ZNF423: variants seen among roughly 807,000 people sequenced by gnomAD.
ZNF423 encodes Ebf-associated zinc finger protein.
A neutral mutation model predicts 95.8 loss-of-function variants in ZNF423; 12 were observed. The ratio of observed to expected loss-of-function variants is 0.13; its 90% CI spans 0.08 to 0.20. ZNF423 has a LOEUF of 0.20. Among genes scored for constraint, ZNF423 ranks in the 10% least tolerant of loss-of-function variants. The pLI is 1.00. For synonymous variants in ZNF423, 749 were observed against 711.9 expected (o/e 1.05, Z -0.83); for missense variants, 1,316 against 1,737.1 (o/e 0.76, Z 4.31).
intron 3 of ZNF423, among the ~76,000 whole-genome samples, chr16:49,653,205 C>T (rs912810399): frequency 7.9e-5 from 12 of 151,718 alleles, no homozygotes; most frequent in African/African-American, 1.5e-4. Flanking sequence ...GACAGAGAAC[C>T]CCTAACTCAG....
At chr16:49,747,433 T>C (rs994047827) in intron 2 of ZNF423, among the ~76,000 whole-genome samples, 1 of 152,194 alleles carries the variant, frequency 6.6e-6, no homozygotes, top group African/African-American at 2.4e-5. Context: ...TTATATGTAT[T>C]TCCAGAAACA....
intron 7 of ZNF423, among the ~76,000 whole-genome samples, chr16:49,513,669 G>A (rs1597028617): frequency 3.5e-5 from 2 of 56,482 alleles, no homozygotes; most frequent in South Asian, 8.1e-4. Flanking sequence ...ATGGATGGAT[G>A]GATGGACGGA....
intron 2 of ZNF423, among the ~76,000 whole-genome samples, chr16:49,759,141 T>G (rs1247117424): frequency 6.6e-6 from 1 of 151,966 alleles, no homozygotes; most frequent in Non-Finnish European, 1.5e-5. Flanking sequence ...GGCTCACGCC[T>G]GTAATCCCAG....
rs143415090 is a variant in ZNF423 at position 49,623,205 on chromosome 16, C to G, written c.3601+2965G>C. Among the ~76,000 whole-genome samples the G allele has an allele frequency of 2.6e-3, 391 of 152,314 alleles. 2 individuals are homozygous for G. The highest frequency in any genetic ancestry group is 3.4e-3 in the Middle Eastern group (1 of 294). On this transcript the variant is annotated intron_variant, in intron 5 of 7. Coordinates refer to ENST00000563137, the MANE Select transcript of ZNF423 (RefSeq NM_001379286.1). ...TCTCCAGGCCTCCAACTCCCACGTT[C>G]CTGGGCTCCAGGTCAGCTGACAGCG...
In ZNF423 at chr16:49,491,557, T is replaced by G. The variant is rs1477189731; in HGVS notation, c.3850-253A>C. Among the ~76,000 whole-genome samples, 7 of 150,094 alleles carry G rather than the reference T, an allele frequency of 4.7e-5. 1 individual carries two copies. Among genetic ancestry groups the G allele is most frequent in the Non-Finnish European group, 1.0e-4 (7 of 67,510 alleles). Reference sequence around the variant, plus strand: ...TGTTTTTTGGCTTTTTTTTTTTTTTTTTTTTTAAAGACCATTCAGGTCTTA... The same window carrying G: ...TGTTTTTTGGCTTTTTTTTTTTTTTGTTTTTTAAAGACCATTCAGGTCTTA... On this transcript the variant is annotated intron_variant, in intron 7 of 7. Transcript: ENST00000563137.
At chr16:49,836,233 C>G (rs779652400) in intron 1 of ZNF423, among the ~76,000 whole-genome samples, 93 of 152,288 alleles carry the variant, frequency 6.1e-4, no homozygotes, top group Non-Finnish European at 1.1e-3. Flanking sequence ...CCCAAAAAAT[C>G]AGGAAGCAAG....
At chr16:49,662,818 C>T (rs1345938972) in intron 3 of ZNF423, among the ~76,000 whole-genome samples, 2 of 152,146 alleles carry the variant, frequency 1.3e-5, no homozygotes, top group Non-Finnish European at 2.9e-5. Context: ...GTGCAAGCAC[C>T]CCAAAGCCAG....
intron 5 of ZNF423, among the ~76,000 whole-genome samples, chr16:49,542,784 C>G (rs1362294343): frequency 1.3e-5 from 2 of 152,226 alleles, no homozygotes; most frequent in Middle Eastern, 3.2e-3. Context: ...TCTGCGTCCT[C>G]CATGAGATTG....
chr16:49,728,966 C>T (rs1253998195), intron 3 of ZNF423, among the ~76,000 whole-genome samples: 1 of 152,126 alleles, frequency 6.6e-6, no homozygotes, highest in Non-Finnish European at 1.5e-5. Flanking sequence ...CTGCTGACAT[C>T]GTGATCCGCC....
intron 3 of ZNF423, among the ~76,000 whole-genome samples, chr16:49,690,347 A>G (rs2031730942): frequency 6.6e-6 from 1 of 152,200 alleles, no homozygotes; most frequent in South Asian, 2.1e-4. Flanking sequence ...CCTGAGCAAC[A>G]TGGTGAGATC....
At chr16:49,723,349 C>T (rs148450447) in intron 3 of ZNF423, among the ~76,000 whole-genome samples, 20 of 152,342 alleles carry the variant, frequency 1.3e-4, no homozygotes, top group Middle Eastern at 3.4e-3. Context: ...GGATCAGAGA[C>T]GGTACAGACC....
chr16:49,783,216 G>A (rs941089905), intron 2 of ZNF423, among the ~76,000 whole-genome samples: 3 of 151,504 alleles, frequency 2.0e-5, no homozygotes, highest in Non-Finnish European at 4.4e-5. Context: ...AGAGACAGGG[G>A]TTAGGGGTAG....
At chr16:49,730,124 C>T (rs2033126097) in intron 3 of ZNF423, among the ~76,000 whole-genome samples, 1 of 152,158 alleles carries the variant, frequency 6.6e-6, no homozygotes, top group African/African-American at 2.4e-5. Flanking sequence ...ACCCCAATCA[C>T]CCCAGACAAA....
chr16:49,646,702 T>A (rs1441780721), intron 3 of ZNF423, among the ~76,000 whole-genome samples: 1 of 151,746 alleles, frequency 6.6e-6, no homozygotes, highest in Non-Finnish European at 1.5e-5. Flanking sequence ...GAATCCTGAG[T>A]AGCTGGGATT....
At chr16:49,572,240 C>A (rs1041596093) in intron 5 of ZNF423, among the ~76,000 whole-genome samples, 1 of 152,096 alleles carries the variant, frequency 6.6e-6, no homozygotes, top group African/African-American at 2.4e-5. Flanking sequence ...AGAAACATGA[C>A]AATTCCCTCG....
intron 5 of ZNF423, among the ~76,000 whole-genome samples, chr16:49,548,628 G>A (rs1045878518): frequency 2.6e-5 from 4 of 152,222 alleles, no homozygotes; most frequent in African/African-American, 4.8e-5. Flanking sequence ...AAGAGAAGGG[G>A]AGAGAGACGG....
At chr16:49,727,730 G>A (rs542896773) in intron 3 of ZNF423, among the ~76,000 whole-genome samples, 6 of 152,294 alleles carry the variant, frequency 3.9e-5, no homozygotes, top group Admixed American at 3.3e-4. Flanking sequence ...CCCAGGTCAC[G>A]ATTCCTGAGA....
Position 49,815,873 on chromosome 16 carries a change from A to AC in ZNF423, c.41-26328_41-26327insG, listed in dbSNP as rs1555488139. Among the ~76,000 whole-genome samples the AC allele has an allele frequency of 3.4e-3, 139 of 40,398 alleles. 2 individuals carry two copies. The highest frequency in any genetic ancestry group is 0.015 in the Middle Eastern group (1 of 68). The allele number at this position is 40,398 out of a possible 152,430, so 26.5% of individuals were successfully genotyped here. A position where few individuals can be genotyped will look rare whatever the true frequency, so the allele number is the denominator to read the frequency against. ...TTACATTCTAATTCCAAACAAACAA[A>AC]AAAAAAAAATATATATATATATATA... is the stretch of plus-strand genomic sequence containing the variant. On this transcript the variant is annotated intron_variant, in intron 1 of 7. Coordinates refer to ENST00000563137, the MANE Select transcript of ZNF423 (RefSeq NM_001379286.1).
At chr16:49,646,118 A>T (rs1196227092) in intron 3 of ZNF423, among the ~76,000 whole-genome samples, 1 of 152,204 alleles carries the variant, frequency 6.6e-6, no homozygotes, top group East Asian at 1.9e-4. Context: ...GATGGTGAGG[A>T]TTGCCCAAAG....
Sources: allele counts gnomAD v4.1 joint callset (sites outside exome capture counted in the v4.1 genomes callset), GRCh38; gene constraint gnomAD v4.1.1; transcripts MANE v1.5; gene names NCBI Gene and HGNC (gene_info 2026-07-23, HGNC 2026-07-21).